HGSNAT: variants seen among roughly 807,000 people sequenced by gnomAD.
The protein encoded by HGSNAT is heparan-alpha-glucosaminide N-acetyltransferase.
Under a neutral mutation model 85.2 loss-of-function variants are expected in HGSNAT, and 59 were observed. The observed-to-expected ratio is 0.69, with a 90% CI of 0.56 to 0.86. HGSNAT has a LOEUF of 0.86. HGSNAT is among the 40% of genes least tolerant of loss of function. The pLI, the probability that HGSNAT is intolerant of heterozygous loss-of-function variation, is 0.00. For synonymous variants in HGSNAT, 321 were observed against 304.5 expected, an observed-to-expected ratio of 1.05 and a Z score of -0.56; for missense variants, 756 against 777.1, an observed-to-expected ratio of 0.97 and a Z score of 0.32.
intron 9 of HGSNAT, among the ~76,000 whole-genome samples, chr8:43,176,083 C>T (rs1803801212): frequency 6.6e-6 from 1 of 152,122 alleles, no homozygotes; most frequent in Admixed American, 6.5e-5. Context: ...GCTTTGGTTA[C>T]TTGTGCTGTG....
chr8:43,141,826 C>G lies in HGSNAT; in HGVS notation c.118+1212C>G, dbSNP rs1253648578. Among the ~76,000 whole-genome samples the G allele has an allele frequency of 3.9e-5, 6 of 152,156 alleles. No homozygotes were observed. The East Asian group carries it at 1.2e-3, about 29-fold the overall frequency. On this transcript the variant is annotated intron_variant, in intron 1 of 17. Transcript: ENST00000379644. ...ACCCCGGGGAGGTTATGTAATCTGC[C>G]TGATCACAATTTGTCAGGGACTGAT...
intron 2 of HGSNAT, among the ~76,000 whole-genome samples, chr8:43,153,671 A>G (rs1486986696): frequency 2.6e-5 from 4 of 152,178 alleles, no homozygotes; most frequent in Non-Finnish European, 5.9e-5. Flanking sequence ...AACTGATCCC[A>G]TTGTAACTGT....
At chr8:43,182,931 TAAC>T (rs755750539) in intron 11 of HGSNAT, among the ~76,000 whole-genome samples, 8 of 152,240 alleles carry the variant, frequency 5.3e-5, no homozygotes, top group Non-Finnish European at 1.2e-4. Flanking sequence ...TCTATCCTCT[TAAC>T]AAATTTGTCA....
chr8:43,156,916 AG>A (rs1351884387), intron 2 of HGSNAT, among the ~76,000 whole-genome samples: 1 of 152,094 alleles, frequency 6.6e-6, no homozygotes, highest in East Asian at 1.9e-4. Flanking sequence ...TTAAAATTGA[AG>A]GGAGTCTCTT....
chr8:43,180,112 CCA>C (rs1491418039), intron 10 of HGSNAT, among the ~76,000 whole-genome samples: 19 of 99,188 alleles, frequency 1.9e-4, no homozygotes, highest in East Asian at 3.4e-4. Context: ...ACCCCCCCCC[CCA>C]CCGCCTCCCT....
chr8:43,196,139 G>A (rs545652008), intron 14 of HGSNAT: 25 of 289,338 alleles, frequency 8.6e-5, no homozygotes, highest in Non-Finnish European at 1.6e-4. Flanking sequence ...GACCTCGGGC[G>A]TGTGGCTGAC....
intron 16 of HGSNAT, 21 bp downstream of exon 16, chr8:43,197,763 A>T (rs755119349): frequency 6.2e-7 from 1 of 1,605,434 alleles, no homozygotes; most frequent in Admixed American, 1.7e-5. Context: ...AAAAAGCATG[A>T]TTTTATGGAT....
intron 11 of HGSNAT, among the ~76,000 whole-genome samples, chr8:43,183,988 G>C (rs1804222435): frequency 6.6e-6 from 1 of 152,170 alleles, no homozygotes; most frequent in African/African-American, 2.4e-5. Flanking sequence ...TGGCTGCATA[G>C]TATTCCATGG....
At chr8:43,186,943 T>C (rs112816412) in intron 11 of HGSNAT, among the ~76,000 whole-genome samples, 1,591 of 152,330 alleles carry the variant, frequency 0.01, 15 homozygotes, top group Non-Finnish European at 0.017. Context: ...TCCATGTAGT[T>C]GAGCAGTTTT....
At chr8:43,168,084 A>C (rs1469469707) in intron 5 of HGSNAT, 1 of 175,496 alleles carries the variant, frequency 5.7e-6, no homozygotes, top group Non-Finnish European at 1.2e-5. Context: ...ATGCCTGGCT[A>C]ATTTTTTTGT....
chr8:43,182,909 C>T (rs1256878046), intron 11 of HGSNAT, among the ~76,000 whole-genome samples: 1 of 152,118 alleles, frequency 6.6e-6, no homozygotes, highest in Non-Finnish European at 1.5e-5. Context: ...TTATAAAATA[C>T]ACGACATGAG....
chr8:43,186,604 T>A (rs1804321434), intron 11 of HGSNAT, among the ~76,000 whole-genome samples: 1 of 152,220 alleles, frequency 6.6e-6, no homozygotes, highest in South Asian at 2.1e-4. Context: ...CTGGATTCAT[T>A]GATTTTTTTG....
chr8:43,143,699 G>A (rs551157245), intron 1 of HGSNAT, among the ~76,000 whole-genome samples: 24 of 149,938 alleles, frequency 1.6e-4, no homozygotes, highest in Non-Finnish European at 3.2e-4. Context: ...CATCACGCCT[G>A]GCTAATTTTT....
intron 2 of HGSNAT, among the ~76,000 whole-genome samples, chr8:43,152,420 T>C (rs892003912): frequency 2.6e-5 from 4 of 152,190 alleles, no homozygotes; most frequent in Non-Finnish European, 5.9e-5. Context: ...TAGAAAATGA[T>C]AGCAGAATCG....
chr8:43,177,074 A>G (rs1353461482), intron 9 of HGSNAT, among the ~76,000 whole-genome samples: 1 of 152,054 alleles, frequency 6.6e-6, no homozygotes, highest in Non-Finnish European at 1.5e-5. Context: ...TGTACTCATT[A>G]TTAGTGCCAT....
chr8:43,167,203 T>G (rs1803460998), intron 5 of HGSNAT, among the ~76,000 whole-genome samples: 1 of 152,218 alleles, frequency 6.6e-6, no homozygotes, highest in Non-Finnish European at 1.5e-5. Flanking sequence ...GAATATCACA[T>G]AAATGTAGTT....
At chr8:43,141,630 G>T (rs551601260) in intron 1 of HGSNAT, among the ~76,000 whole-genome samples, 1 of 152,066 alleles carries the variant, frequency 6.6e-6, no homozygotes, top group South Asian at 2.1e-4. Flanking sequence ...GTCAGAATAC[G>T]AAGTTTTAGT....
intron 5 of HGSNAT, among the ~76,000 whole-genome samples, chr8:43,165,691 C>G (rs979478812): frequency 2.6e-5 from 4 of 152,200 alleles, no homozygotes; most frequent in Admixed American, 2.6e-4. Context: ...AATCCCAGCA[C>G]TTTGGGAGCC....
At position 43,196,988 on chromosome 8, in the gene HGSNAT, A is replaced by G; in HGVS notation, c.1505A>G (p.Asp502Gly). Residue 502 changes from aspartate to glycine, a missense_variant, in exon 15 of 18, where the codon GAC becomes GGC. Coordinates refer to ENST00000379644, the MANE Select transcript of HGSNAT (RefSeq NM_152419.3). Reference protein sequence around the residue: ...ILLYYKARTKDILIRFTAWCC... With the variant: ...ILLYYKARTKGILIRFTAWCC... ...TTGTATTACAAGGCTCGGACCAAAGACATCCTGATTCGATTCACTGCTTGG... is the reference window on the plus strand; with the variant it reads ...TTGTATTACAAGGCTCGGACCAAAGGCATCCTGATTCGATTCACTGCTTGG... The G allele has an allele frequency of 6.2e-7, 1 of 1,612,678 alleles. No individual in the cohort carries two copies. Among genetic ancestry groups the G allele is most frequent in the Non-Finnish European group, 8.5e-7 (1 of 1,178,748 alleles).
Sources: allele counts gnomAD v4.1 joint callset (sites outside exome capture counted in the v4.1 genomes callset), GRCh38; gene constraint gnomAD v4.1.1; transcripts MANE v1.5; gene names NCBI Gene and HGNC (gene_info 2026-07-23, HGNC 2026-07-21).